Variants in PPL observed in about 807,000 individuals in gnomAD.
The protein encoded by PPL is periplakin, also known as 190 kDa paraneoplastic pemphigus antigen.
A neutral mutation model predicts 194.4 loss-of-function variants in PPL; 198 were observed. That is an observed-to-expected ratio of 1.02 (90% confidence interval 0.91 to 1.15). The LOEUF is 1.15. Among genes scored for constraint, PPL ranks in the 50% most tolerant of loss-of-function variants. PPL has a pLI of 0.00. For synonymous variants in PPL, 1,220 were observed against 972.4 expected, an observed-to-expected ratio of 1.25 and a Z score of -4.74; for missense variants, 2,885 against 2,294.8, an observed-to-expected ratio of 1.26 and a Z score of -5.25.
chr16:4,936,398 G>A (rs1381664385), intron 1 of PPL, among the ~76,000 whole-genome samples: 1 of 152,194 alleles, frequency 6.6e-6, no homozygotes, highest in Non-Finnish European at 1.5e-5. Context: ...GGTGGCAGGT[G>A]CCGGGAAGTG....
At chr16:4,891,972 G>A (rs753160998) in intron 15 of PPL, 23 bp from the exon 16 acceptor site, 9 of 1,610,842 alleles carry the variant, frequency 5.6e-6, no homozygotes, top group African/African-American at 1.3e-5. Flanking sequence ...ATCAGGCGTC[G>A]GGGGATGCCC....
chr16:4,912,691 G>C (rs1357756184), intron 1 of PPL, among the ~76,000 whole-genome samples: 4 of 152,220 alleles, frequency 2.6e-5, no homozygotes, highest in African/African-American at 9.6e-5. Context: ...AATTTCATGG[G>C]AACGCAGTGG....
chr16:4,885,211 C>A lies in PPL; in HGVS notation c.3444G>T (p.Gln1148His). ...EDEAAKARAS[Q>H]REKTELLRKI... is the part of the protein sequence containing the mutation. ...TTCGGAGCAGCTCCGTCTTCTCCCT[C>A]TGGCTAGCGCGAGCCTTGGCAGCCT... Residue 1148 changes from glutamine to histidine, a missense_variant, in exon 22 of 22, where the codon CAG (glutamine) becomes CAT (histidine). Physicochemically the swap from Gln to His is conservative, Grantham distance 24. Coordinates refer to ENST00000345988, the MANE Select transcript of PPL (RefSeq NM_002705.5). The surrounding 1 kb of genome is among the most constrained non-coding windows in gnomAD (Gnocchi z 6.3). 2 of 1,614,084 alleles carry A rather than the reference C, an allele frequency of 1.2e-6. No homozygotes were observed. The highest frequency in any genetic ancestry group is 1.6e-4 in the Middle Eastern group (1 of 6,062).
In PPL at chr16:4,902,362, C is replaced by G; in HGVS notation, c.438+44G>C. Reference sequence around the variant, plus strand: ...TCTCCCTGCACACGCACAGCCCCCTCCCCAGCTGAAACCCTGGAGCCAGCG... The same window carrying G: ...TCTCCCTGCACACGCACAGCCCCCTGCCCAGCTGAAACCCTGGAGCCAGCG... On this transcript the variant is annotated intron_variant, in intron 4 of 21. Transcript: ENST00000345988. The surrounding 1 kb of genome is among the most constrained non-coding windows in gnomAD (Gnocchi z 4.0). 6.2e-7 allele frequency: 1 copy of G among 1,610,044 alleles called. No homozygotes were observed. Among genetic ancestry groups the G allele is most frequent in the Non-Finnish European group, 8.5e-7 (1 of 1,177,858 alleles).
chr16:4,896,747 C>T (rs1428113674), intron 9 of PPL, among the ~76,000 whole-genome samples: 1 of 149,782 alleles, frequency 6.7e-6, no homozygotes, highest in Non-Finnish European at 1.5e-5. Flanking sequence ...TCAAGCAGTT[C>T]TCCTGCCTCA....
intron 1 of PPL, among the ~76,000 whole-genome samples, chr16:4,919,702 G>A (rs1050464284): frequency 6.6e-6 from 1 of 152,168 alleles, no homozygotes; most frequent in African/African-American, 2.4e-5. Context: ...GGCTGAGGCA[G>A]GAGCATCTCT....
chr16:4,890,628 A>G lies in PPL; in HGVS notation c.2162+100T>C, dbSNP rs2088301166. 19 of 1,408,276 alleles carry G rather than the reference A, an allele frequency of 1.3e-5. No homozygotes were observed. In the East Asian group the frequency reaches 4.8e-4, roughly 36 times the overall value. 87.2% of individuals were successfully genotyped at this position (1,408,276 alleles called of 1,614,324 possible). On this transcript the variant is annotated intron_variant, in intron 17 of 21. Coordinates refer to ENST00000345988, the MANE Select transcript of PPL (RefSeq NM_002705.5). ...GAATCTGACGAACTCACCAAAAAGA[A>G]AAACAGCAAAATCTGTGGGACACGG...
chr16:4,936,580 T>C (rs1208813253), intron 1 of PPL, among the ~76,000 whole-genome samples: 1 of 152,186 alleles, frequency 6.6e-6, no homozygotes, highest in Non-Finnish European at 1.5e-5. Context: ...CGACCCCGCC[T>C]TGAGTGCCCG....
chr16:4,936,930 G>C (rs909787456), intron 1 of PPL, 54 bp downstream of exon 1: 4 of 1,533,890 alleles, frequency 2.6e-6, no homozygotes, highest in Non-Finnish European at 3.5e-6. Context: ...TCCAGGTCCT[G>C]TGCGCCCACA....
At chr16:4,913,099 A>C (rs2088852484) in intron 1 of PPL, among the ~76,000 whole-genome samples, 2 of 151,422 alleles carry the variant, frequency 1.3e-5, no homozygotes, top group South Asian at 4.2e-4. Flanking sequence ...GCGAGACTCC[A>C]TCTCGAAAAA....
chr16:4,930,051 G>A (rs1012527498), intron 1 of PPL, among the ~76,000 whole-genome samples: 1 of 152,104 alleles, frequency 6.6e-6, no homozygotes, highest in Non-Finnish European at 1.5e-5. Context: ...CTCTGTGTAT[G>A]TTTCTAAAAA....
At chr16:4,900,445 T>C (rs1436511597) in intron 6 of PPL, among the ~76,000 whole-genome samples, 1 of 118,582 alleles carries the variant, frequency 8.4e-6, no homozygotes, top group African/African-American at 3.2e-5. Flanking sequence ...TTTTTTTTTT[T>C]TTTTTTTTTT....
chr16:4,920,625 G>A lies in PPL; in HGVS notation c.63-9676C>T, dbSNP rs55658957. Among the ~76,000 whole-genome samples, 355 of 152,118 alleles carry A rather than the reference G, an allele frequency of 2.3e-3. 1 individual carries two copies. Among genetic ancestry groups the A allele is most frequent in the African/African-American group, 6.6e-3 (275 of 41,500 alleles). ...TTACAGGCGCACGCCACCATGCCTG[G>A]CTAATTTTTGTATTTTTAGTAGAGA... On this transcript the variant is annotated intron_variant, in intron 1 of 21. Coordinates refer to ENST00000345988, the MANE Select transcript of PPL (RefSeq NM_002705.5).
chr16:4,892,309 C>T (rs1444129175), intron 14 of PPL, 96 bp from the exon 15 acceptor site: 2 of 1,347,406 alleles, frequency 1.5e-6, no homozygotes, highest in East Asian at 2.4e-5. Flanking sequence ...ACATCAGGCA[C>T]AGTGGAAGCA....
Position 4,892,059 on chromosome 16 carries a change from T to G in PPL, c.1805A>C (p.Gln602Pro). The G allele has an allele frequency of 6.2e-7, 1 of 1,613,742 alleles. No homozygotes were observed. The highest frequency in any genetic ancestry group is 8.5e-7 in the Non-Finnish European group (1 of 1,179,946). The change falls in exon 15 of 22, where the codon CAG becomes CCG. Residue 602 changes from glutamine (Q) to proline (P), a missense_variant. Physicochemically the swap from Gln to Pro is moderately conservative, Grantham distance 76 (BLOSUM62 -1). Transcript: ENST00000345988. ...CTTCTCCTGGGCCAAGTCCAGCAGCTGCAGGAGGTGCTCGTATTTCCGGTT... is the reference window on the plus strand; with the variant it reads ...CTTCTCCTGGGCCAAGTCCAGCAGCGGCAGGAGGTGCTCGTATTTCCGGTT... ...DTNRKYEHLL[Q>P]LLDLAQEKVD...
intron 1 of PPL, among the ~76,000 whole-genome samples, chr16:4,914,298 C>G (rs1187724579): frequency 6.6e-6 from 1 of 152,180 alleles, no homozygotes; most frequent in African/African-American, 2.4e-5. Context: ...TAACCCAGAC[C>G]TGCTGAACCC....
chr16:4,899,468 G>A (rs961923187), intron 6 of PPL, 84 bp from the exon 7 acceptor site: 1 of 1,510,960 alleles, frequency 6.6e-7, no homozygotes, highest in Non-Finnish European at 8.8e-7. Flanking sequence ...GCAGGGCCCA[G>A]CTATGGCTGG....
At position 4,885,703 on chromosome 16, in the gene PPL, C is replaced by G. The variant is rs745968260; in HGVS notation, c.2952G>C (p.Glu984Asp). 1 of 1,613,572 alleles carries G rather than the reference C, an allele frequency of 6.2e-7. No individual in the cohort carries two copies. Among genetic ancestry groups the G allele is most frequent in the South Asian group, 1.1e-5 (1 of 91,068 alleles). Residue 984 changes from glutamate (E) to aspartate (D), a missense_variant, in exon 22 of 22, where the codon GAG becomes GAC. Coordinates refer to ENST00000345988, the MANE Select transcript of PPL (RefSeq NM_002705.5). The surrounding 1 kb of genome is among the most constrained non-coding windows in gnomAD (Gnocchi z 6.3). ...CGTACTCCTGCCCCCCGTCTCTGGTCTCCTGCTCCAGGGCACGCAGCTGCA... is the reference window on the plus strand; with the variant it reads ...CGTACTCCTGCCCCCCGTCTCTGGTGTCCTGCTCCAGGGCACGCAGCTGCA... The part of the protein sequence containing the change: ...LQLQLRALEQ[E>D]TRDGGQEYVV...
chr16:4,902,603 C>T lies in PPL; in HGVS notation c.318-77G>A. 6.5e-7 allele frequency: 1 copy of T among 1,537,700 alleles called. No individual in the cohort carries two copies. The highest frequency in any genetic ancestry group is 8.8e-7 in the Non-Finnish European group (1 of 1,134,816). Reference sequence around the variant, plus strand: ...CCCAGGAGGGGCCCCCCACCCAGACCCCGGCCTCAGTGTCCTGGAAGGACA... The same window carrying T: ...CCCAGGAGGGGCCCCCCACCCAGACTCCGGCCTCAGTGTCCTGGAAGGACA... On this transcript the variant is annotated intron_variant, in intron 3 of 21. Coordinates refer to ENST00000345988, the MANE Select transcript of PPL (RefSeq NM_002705.5). This position sits in a 1 kb window ranked among gnomAD's most constrained non-coding sequence, Gnocchi z 4.0.
Sources: allele counts gnomAD v4.1 joint callset (sites outside exome capture counted in the v4.1 genomes callset), GRCh38; gene constraint gnomAD v4.1.1; non-coding constraint Gnocchi (gnomAD v3.1); transcripts MANE v1.5; gene names NCBI Gene and HGNC (gene_info 2026-07-23, HGNC 2026-07-21).